The following CDH18 variants were observed in gnomAD, a reference collection of about 807,000 sequenced individuals.
CDH18 encodes the protein cadherin-18.
Under a neutral mutation model 67.9 loss-of-function variants are expected in CDH18, and 31 were observed. The observed-to-expected ratio is 0.46, with a 90% CI of 0.34 to 0.62. CDH18 has a LOEUF of 0.62. Ranked by LOEUF, CDH18 falls within the 20% of genes least tolerant of loss-of-function variation. The pLI is 0.01. For synonymous variants in CDH18, 362 were observed against 347.2 expected, an observed-to-expected ratio of 1.04 and a Z score of -0.48; for missense variants, 890 against 975.5, an observed-to-expected ratio of 0.91 and a Z score of 1.17.
intron 2 of CDH18, among the ~76,000 whole-genome samples, chr5:20,183,262 G>T (rs554573802): frequency 6.6e-6 from 1 of 152,048 alleles, no homozygotes. Context: ...AATAACCTTA[G>T]ATTCATGTAC....
chr5:20,319,740 G>A (rs1007926001), intron 1 of CDH18, among the ~76,000 whole-genome samples: 5 of 151,990 alleles, frequency 3.3e-5, no homozygotes, highest in Admixed American at 6.6e-5. Flanking sequence ...CTCAAAAATG[G>A]TCTACGAAAA....
At chr5:20,389,644 G>A (rs1194279359) in intron 1 of CDH18, among the ~76,000 whole-genome samples, 2 of 152,042 alleles carry the variant, frequency 1.3e-5, no homozygotes, top group Admixed American at 6.6e-5. Context: ...CTACTTTAAA[G>A]TTCATATGGA....
intron 10 of CDH18, among the ~76,000 whole-genome samples, chr5:19,516,311 T>G (rs1453687704): frequency 6.6e-6 from 1 of 152,216 alleles, no homozygotes; most frequent in Non-Finnish European, 1.5e-5. Context: ...TAAAATTCTC[T>G]ATTTTTGTTG....
chr5:20,256,959 A>ATCTATCTATCTATCTG (rs369248095), intron 1 of CDH18, among the ~76,000 whole-genome samples: 4,807 of 125,274 alleles, frequency 0.038, 96 homozygotes, highest in African/African-American at 0.057. Flanking sequence ...CTATCTATCT[A>ATCTATCTATCTATCTG]TCTAATCTAT....
chr5:19,935,764 G>A (rs1374844634), intron 2 of CDH18, among the ~76,000 whole-genome samples: 3 of 145,530 alleles, frequency 2.1e-5, no homozygotes, highest in African/African-American at 7.6e-5. Flanking sequence ...TTGTTCATAA[G>A]CACTGAGCTA....
At chr5:20,126,211 A>G (rs540932988) in intron 2 of CDH18, among the ~76,000 whole-genome samples, 1 of 152,340 alleles carries the variant, frequency 6.6e-6, no homozygotes, top group South Asian at 2.1e-4. Context: ...ACACGCTACG[A>G]AAGGATAGAC....
intron 3 of CDH18, among the ~76,000 whole-genome samples, chr5:19,824,178 T>G (rs1293048654): frequency 1.3e-5 from 2 of 152,150 alleles, no homozygotes; most frequent in Non-Finnish European, 2.9e-5. Context: ...GGTCCAATAA[T>G]TGGATAGAAG....
chr5:19,831,769 A>C (rs1237862562), intron 3 of CDH18, among the ~76,000 whole-genome samples: 1 of 152,010 alleles, frequency 6.6e-6, no homozygotes, highest in Non-Finnish European at 1.5e-5. Context: ...CCCTCCCCCA[A>C]AATAAATTGT....
At chr5:20,187,798 T>C (rs2126706726) in intron 2 of CDH18, among the ~76,000 whole-genome samples, 3 of 151,994 alleles carry the variant, frequency 2.0e-5, no homozygotes, top group Admixed American at 6.6e-5. Context: ...TGTTTGCATA[T>C]AAAAGGAATG....
intron 1 of CDH18, among the ~76,000 whole-genome samples, chr5:20,412,390 A>G (rs140524876): frequency 0.035 from 5,266 of 152,346 alleles, 198 homozygotes; most frequent in Admixed American, 0.12. Context: ...AAGTCCTCAA[A>G]CTATAAAAAC....
At chr5:19,685,537 G>C (rs1489926278) in intron 5 of CDH18, among the ~76,000 whole-genome samples, 1 of 152,148 alleles carries the variant, frequency 6.6e-6, no homozygotes, top group Non-Finnish European at 1.5e-5. Context: ...TGATGTGTGG[G>C]AAAATATTAG....
intron 2 of CDH18, among the ~76,000 whole-genome samples, chr5:19,974,857 A>G (rs1798355224): frequency 6.6e-6 from 1 of 152,066 alleles, no homozygotes; most frequent in Non-Finnish European, 1.5e-5. Flanking sequence ...TGGCCTGTGA[A>G]GAGGCATTAT....
At chr5:19,491,881 A>C (rs2126673817) in intron 11 of CDH18, among the ~76,000 whole-genome samples, 1 of 152,206 alleles carries the variant, frequency 6.6e-6, no homozygotes, top group East Asian at 1.9e-4. Flanking sequence ...CACTCCAAGA[A>C]ATCTTGTTTC....
At chr5:20,392,728 A>G (rs545890401) in intron 1 of CDH18, among the ~76,000 whole-genome samples, 61 of 152,034 alleles carry the variant, frequency 4.0e-4, no homozygotes, top group African/African-American at 1.4e-3. Context: ...AATACAGTAT[A>G]TAGATTGTAC....
At chr5:20,373,784 A>C (rs1743197601) in intron 1 of CDH18, among the ~76,000 whole-genome samples, 1 of 152,072 alleles carries the variant, frequency 6.6e-6, no homozygotes, top group Non-Finnish European at 1.5e-5. Flanking sequence ...AGGCTAACAC[A>C]CTCAAAATCT....
At chr5:19,845,336 CTATT>C (rs1245355510) in intron 2 of CDH18, among the ~76,000 whole-genome samples, 1 of 152,050 alleles carries the variant, frequency 6.6e-6, no homozygotes, top group Non-Finnish European at 1.5e-5. Flanking sequence ...TTTTATTTCG[CTATT>C]TATTTCTACC....
intron 9 of CDH18, among the ~76,000 whole-genome samples, chr5:19,540,450 G>A (rs879531309): frequency 5.9e-5 from 9 of 152,024 alleles, no homozygotes; most frequent in South Asian, 4.1e-4. Flanking sequence ...ACTAGGCAGC[G>A]CCCCAGTGGA....
Position 19,995,734 on chromosome 5 carries a change from A to G in CDH18, c.-517-3720T>C, listed in dbSNP as rs1298789420. Among the ~76,000 whole-genome samples the G allele has an allele frequency of 2.0e-5, 3 of 152,092 alleles. No homozygotes were observed. The East Asian group carries it at 5.8e-4, about 29-fold the overall frequency. The stretch of plus-strand genomic sequence containing the variant: ...CAGTAAATGTGTACTACTATTATAA[A>G]TCACATTTGCTTCCTGTGCTTCCCT... On this transcript the variant is annotated intron_variant, in intron 2 of 14. Transcript: ENST00000507958.
intron 1 of CDH18, among the ~76,000 whole-genome samples, chr5:20,396,383 T>C (rs887191811): frequency 1.4e-5 from 2 of 143,904 alleles, no homozygotes; most frequent in Admixed American, 1.5e-4. Context: ...CTTAAATATG[T>C]GTTGTTTCAC....
Sources: allele counts gnomAD v4.1 joint callset (sites outside exome capture counted in the v4.1 genomes callset), GRCh38; gene constraint gnomAD v4.1.1; transcripts MANE v1.5; gene names NCBI Gene and HGNC (gene_info 2026-07-23, HGNC 2026-07-21).